KLHL8: variants seen among roughly 807,000 people sequenced by gnomAD.
The protein encoded by KLHL8 is kelch like family member 8.
Under a neutral mutation model 63.5 loss-of-function variants are expected in KLHL8, and 38 were observed. The observed-to-expected ratio is 0.60, with a 90% CI of 0.46 to 0.78. The LOEUF is 0.78. Ranked by LOEUF, KLHL8 falls within the 30% of genes least tolerant of loss-of-function variation. The probability of loss-of-function intolerance (pLI) is 0.00; values close to 1 mark genes in which losing one functional copy is unlikely to be tolerated. For missense variants in KLHL8, 566 were observed against 752.4 expected (o/e 0.75, Z 2.90); for synonymous variants, 224 against 254.3 (o/e 0.88, Z 1.13).
Position 87,183,400 on chromosome 4 carries a change from G to C in KLHL8, c.766-11C>G, listed in dbSNP as rs767031411. The C allele has an allele frequency of 6.4e-7, 1 of 1,563,728 alleles. No homozygotes were observed. Among genetic ancestry groups the C allele is most frequent in the Non-Finnish European group, 8.7e-7 (1 of 1,148,538 alleles). On this transcript the variant is annotated splice_polypyrimidine_tract_variant and intron_variant, in intron 3 of 9. Coordinates refer to ENST00000273963, the MANE Select transcript of KLHL8 (RefSeq NM_020803.5). ...CAATGGCAGGCGAACCTAAGATCAT[G>C]AATAGTTGCAATACAACAAATTTTA...
intron 2 of KLHL8, among the ~76,000 whole-genome samples, chr4:87,193,554 T>C (rs1383495624): frequency 6.6e-6 from 1 of 152,206 alleles, no homozygotes; most frequent in Admixed American, 6.5e-5. Flanking sequence ...GTTTCTTCTT[T>C]AGAAGTAGCA....
chr4:87,197,994 C>A (rs1731764971), intron 1 of KLHL8, among the ~76,000 whole-genome samples: 1 of 146,876 alleles, frequency 6.8e-6, no homozygotes, highest in South Asian at 2.2e-4. Context: ...AGCCATGTTC[C>A]AATACAACTT....
At chr4:87,229,127 T>G (rs1180397107) in intron 1 of KLHL8, among the ~76,000 whole-genome samples, 1 of 152,256 alleles carries the variant, frequency 6.6e-6, no homozygotes, top group East Asian at 1.9e-4. Context: ...AGCCTGTTGT[T>G]CAGCCTATTT....
chr4:87,204,148 C>A (rs1732027943), intron 1 of KLHL8, among the ~76,000 whole-genome samples: 1 of 152,148 alleles, frequency 6.6e-6, no homozygotes, highest in Non-Finnish European at 1.5e-5. Flanking sequence ...GAGTTCGAAG[C>A]TGTAGTGCAC....
In KLHL8 at chr4:87,163,569, G is replaced by T. The variant is rs372810557; in HGVS notation, c.1813C>A (p.Gln605Lys). 6.2e-7 allele frequency: 1 copy of T among 1,613,922 alleles called. No individual in the cohort carries two copies. The highest frequency in any genetic ancestry group is 8.5e-7 in the Non-Finnish European group (1 of 1,179,980). ...GVAVCSCLTS[Q>K]IRDVGHGSNN... ...GATCCATGACCTACATCTCGAATTTGGCTAGTTAAACAGGAACACACAGCT... is the reference window on the plus strand; with the variant it reads ...GATCCATGACCTACATCTCGAATTTTGCTAGTTAAACAGGAACACACAGCT... The change falls in exon 10 of 10, where the codon CAA becomes AAA. Residue 605 changes from glutamine (Q) to lysine (K), a missense_variant. Transcript: ENST00000273963.
Position 87,160,989 on chromosome 4 carries a change from G to C in KLHL8, c.*2530C>G, listed in dbSNP as rs558193915. On this transcript the variant is annotated 3_prime_UTR_variant, in exon 10 of 10. Transcript: ENST00000273963. ...ATTCTCATTTCATGTCTCAATAAAC[G>C]TGTTTTTGCCTGATAAAGAGAACTG... 6.7e-6 allele frequency: 1 copy of C among 149,138 alleles called. No homozygotes were observed. Among genetic ancestry groups the C allele is most frequent in the East Asian group, 2.0e-4 (1 of 5,120 alleles). 9.2% of individuals were successfully genotyped at this position (149,138 alleles called of 1,614,324 possible). A position where few individuals can be genotyped will look rare whatever the true frequency, so the allele number is the denominator to read the frequency against.
At chr4:87,225,555 G>C (rs181998851), upstream of KLHL8, among the ~76,000 whole-genome samples, 98 of 152,284 alleles carry the variant, frequency 6.4e-4, no homozygotes, top group African/African-American at 2.2e-3. Context: ...CAATAGTCAA[G>C]TCTCACTGGT....
chr4:87,208,167 A>T (rs1367417345), intron 1 of KLHL8: 2 of 376,248 alleles, frequency 5.3e-6, no homozygotes, highest in Non-Finnish European at 1.0e-5. Context: ...TCCCTGCCAC[A>T]CTCAGTCCCC....
chr4:87,167,169 A>T (rs1235025185), intron 8 of KLHL8: 3 of 517,788 alleles, frequency 5.8e-6, no homozygotes, highest in Non-Finnish European at 1.1e-5. Context: ...AGAAGAAAGG[A>T]AACATTACAC....
At chr4:87,184,517 T>G (rs1731176754) in intron 3 of KLHL8, among the ~76,000 whole-genome samples, 1 of 152,178 alleles carries the variant, frequency 6.6e-6, no homozygotes. Context: ...GCACTAAGTT[T>G]TAACAAAGCA....
At chr4:87,206,469 A>G (rs560001862) in intron 1 of KLHL8, among the ~76,000 whole-genome samples, 2 of 152,128 alleles carry the variant, frequency 1.3e-5, no homozygotes, top group African/African-American at 4.8e-5. Context: ...AGAAGATGGA[A>G]AAACTACTTA....
chr4:87,175,542 TG>T (rs753481633), intron 6 of KLHL8, among the ~76,000 whole-genome samples: 13 of 152,316 alleles, frequency 8.5e-5, no homozygotes, highest in Non-Finnish European at 1.9e-4. Context: ...TTTAGGTTTT[TG>T]TCTAGAGTAT....
chr4:87,168,754 ATGTG>A (rs947892758), intron 8 of KLHL8, among the ~76,000 whole-genome samples: 61 of 145,818 alleles, frequency 4.2e-4, no homozygotes, highest in African/African-American at 1.4e-3. Context: ...ACGTGTATAT[ATGTG>A]TGTGTATATA....
intron 6 of KLHL8, among the ~76,000 whole-genome samples, chr4:87,171,061 G>A (rs542862532): frequency 6.6e-6 from 1 of 151,992 alleles, no homozygotes; most frequent in Non-Finnish European, 1.5e-5. Flanking sequence ...CCACACAAAA[G>A]AGTATTAAAT....
chr4:87,163,508 C>T lies in KLHL8; in HGVS notation c.*11G>A. On this transcript the variant is annotated 3_prime_UTR_variant, in exon 10 of 10. Coordinates refer to ENST00000273963, the MANE Select transcript of KLHL8 (RefSeq NM_020803.5). ...CAGATATGACTAAATTGTTGGTGGC[C>T]AGAACTCAAATCACATACAGTCAAC... 1 of 1,613,210 alleles carries T rather than the reference C, an allele frequency of 6.2e-7. No homozygotes were observed. Among genetic ancestry groups the T allele is most frequent in the Non-Finnish European group, 8.5e-7 (1 of 1,179,686 alleles).
intron 1 of KLHL8, among the ~76,000 whole-genome samples, chr4:87,239,979 T>C (rs1733299626): frequency 6.6e-6 from 1 of 152,196 alleles, no homozygotes; most frequent in Non-Finnish European, 1.5e-5. Flanking sequence ...TGGTAGGCAC[T>C]GATGGAATTT....
In KLHL8 at chr4:87,163,859, G is replaced by T; in HGVS notation, c.1739+19C>A. 6.2e-7 allele frequency: 1 copy of T among 1,608,164 alleles called. No individual in the cohort carries two copies. Among genetic ancestry groups the T allele is most frequent in the Non-Finnish European group, 8.5e-7 (1 of 1,174,994 alleles). On this transcript the variant is annotated intron_variant, in intron 9 of 9. Coordinates refer to ENST00000273963, the MANE Select transcript of KLHL8 (RefSeq NM_020803.5). ...ATACCAGAAGATAATATAAAGCACG[G>T]AGACAACATGTAAATTACCTATTCA...
At chr4:87,238,879 A>C (rs1733281128) in intron 1 of KLHL8, among the ~76,000 whole-genome samples, 1 of 152,192 alleles carries the variant, frequency 6.6e-6, no homozygotes, top group Admixed American at 6.5e-5. Context: ...TTTTCATGCT[A>C]TCTGCCTATA....
intron 1 of KLHL8, among the ~76,000 whole-genome samples, chr4:87,229,435 T>TG (rs1733095803): frequency 4.2e-5 from 3 of 70,982 alleles, no homozygotes; most frequent in Admixed American, 2.9e-4. Flanking sequence ...TTTTTTTTTT[T>TG]GGTGGGGGGG....
Sources: gnomAD v4.1 joint callset for allele counts (sites outside exome capture counted in the v4.1 genomes callset) on GRCh38, gnomAD v4.1.1 for gene constraint, MANE v1.5 for transcripts, NCBI Gene and HGNC (gene_info 2026-07-23, HGNC 2026-07-21) for gene names.